EPHA10: variants seen among roughly 807,000 people sequenced by gnomAD.
EPHA10 encodes EPH receptor A10, also known as ephrin type-A receptor 10.
A neutral mutation model predicts 109.7 loss-of-function variants in EPHA10; 120 were observed. The ratio of observed to expected loss-of-function variants is 1.09; its 90% CI spans 0.94 to 1.27. EPHA10 has a LOEUF of 1.27. Among genes scored for constraint, EPHA10 ranks in the 50% most tolerant of loss-of-function variants. The pLI is 0.00. For synonymous variants in EPHA10, 640 were observed against 618.9 expected (o/e 1.03, Z -0.51); for missense variants, 1,396 against 1,411.1 (o/e 0.99, Z 0.17).
intron 6 of EPHA10, among the ~76,000 whole-genome samples, chr1:37,732,280 C>G (rs1176433649): frequency 6.6e-6 from 1 of 152,186 alleles, no homozygotes; most frequent in Admixed American, 6.5e-5. Context: ...AAGGAAGGGG[C>G]TGGTGCACCC....
At chr1:37,752,744 G>A in intron 5 of EPHA10, 132 bp downstream of exon 5, 1 of 503,178 alleles carries the variant, frequency 2.0e-6, no homozygotes, top group Non-Finnish European at 2.9e-6. Context: ...GAGAGGGGCG[G>A]GGTGCGTGTA....
Position 37,719,915 on chromosome 1 carries a change from G to A in EPHA10, c.2556C>T (p.Gly852=). 1 of 1,613,972 alleles carries A rather than the reference G, an allele frequency of 6.2e-7. No homozygotes were observed. Among genetic ancestry groups the A allele is most frequent in the Non-Finnish European group, 8.5e-7 (1 of 1,180,026 alleles). ...GGAGCCACGGGTTACTCACGTCTTGGCCAGACATGTCCCAGTAAGGCCGCT... is the reference window on the plus strand; with the variant it reads ...GGAGCCACGGGTTACTCACGTCTTGACCAGACATGTCCCAGTAAGGCCGCT... The part of the protein sequence containing the change: ...FGERPYWDMS[G]QDVIKAVEDG... The change falls in exon 14 of 17, where the codon GGC becomes GGT. Residue 852 remains glycine (G), a synonymous_variant. Transcript: ENST00000373048.
In EPHA10 at chr1:37,753,136, CCCGAGTCGGCCGG is replaced by C; in HGVS notation, c.1084_1096del (p.Pro362GlufsTer142). ...CGAGTAGGTGACGTCCGAGCGGCCT[CCCGAGTCGGCCGG>C]CGGCAGCCAGCGCAGTCGCAGCACC... On this transcript the variant is annotated frameshift_variant, in exon 5 of 17. Transcript: ENST00000373048. LOFTEE classifies it high-confidence loss of function. 1 of 1,407,240 alleles carries C rather than the reference CCCGAGTCGGCCGG, an allele frequency of 7.1e-7. No individual in the cohort carries two copies. Among genetic ancestry groups the C allele is most frequent in the Non-Finnish European group, 9.3e-7 (1 of 1,080,326 alleles). The allele number at this position is 1,407,240 out of a possible 1,614,324, so 87.2% of individuals were successfully genotyped here.
At chr1:37,732,330 A>ATGC (rs1557540937) in intron 6 of EPHA10, among the ~76,000 whole-genome samples, 1 of 152,016 alleles carries the variant, frequency 6.6e-6, no homozygotes, top group Non-Finnish European at 1.5e-5. Context: ...GCTCGACATC[A>ATGC]TGCTGCCCCC....
intron 5 of EPHA10, among the ~76,000 whole-genome samples, chr1:37,745,466 T>C (rs1205276027): frequency 6.6e-6 from 1 of 152,152 alleles, no homozygotes; most frequent in East Asian, 1.9e-4. Flanking sequence ...TTTGAAAAAG[T>C]TGGTAATTCC....
chr1:37,731,300 T>A, intron 7 of EPHA10, 111 bp downstream of exon 7: 2 of 1,228,674 alleles, frequency 1.6e-6, no homozygotes, highest in Admixed American at 5.1e-5. Flanking sequence ...CAGGCTCCCT[T>A]CATTGCACAG....
chr1:37,727,489 T>C (rs1242933936), intron 7 of EPHA10, among the ~76,000 whole-genome samples: 2 of 152,178 alleles, frequency 1.3e-5, no homozygotes, highest in Non-Finnish European at 2.9e-5. Flanking sequence ...CCTCCCTCTA[T>C]GCCTTTCAGA....
intron 1 of EPHA10, among the ~76,000 whole-genome samples, chr1:37,763,431 C>A (rs590954): frequency 1.3e-5 from 2 of 152,168 alleles, no homozygotes; most frequent in Non-Finnish European, 2.9e-5. Flanking sequence ...TCTAAAACAA[C>A]CTCTCCATCT....
intron 3 of EPHA10, among the ~76,000 whole-genome samples, chr1:37,756,987 G>T (rs144788781): frequency 0.01 from 1,528 of 152,180 alleles, 24 homozygotes; most frequent in African/African-American, 0.035. Flanking sequence ...GTGCAACCAT[G>T]CCTGGCTAAT....
chr1:37,718,884 G>A, intron 15 of EPHA10, 68 bp from the exon 16 acceptor site: 2 of 1,518,204 alleles, frequency 1.3e-6, no homozygotes, highest in South Asian at 1.3e-5. Context: ...GGTCTCCCGG[G>A]GAGAGGCCAG....
In EPHA10 at chr1:37,723,359, C is replaced by T. The variant is rs1367321020; in HGVS notation, c.1786G>A (p.Gly596Ser). The T allele has an allele frequency of 4.3e-6, 7 of 1,614,080 alleles. No homozygotes were observed. In the African/African-American group the frequency reaches 5.3e-5, roughly 12 times the overall value. ...LAIWRRPCSY[G>S]KGGGDAHDEE... Reference sequence around the variant, plus strand: ...TCATGGGCATCCCCTCCTCCTTTGCCATAGCTGCAGGGCCTGGCAGGGAGT... The same window carrying T: ...TCATGGGCATCCCCTCCTCCTTTGCTATAGCTGCAGGGCCTGGCAGGGAGT... The change falls in exon 9 of 17, where the codon GGC (glycine) becomes AGC (serine). Residue 596 changes from glycine (G) to serine (S), a missense_variant. Transcript: ENST00000373048.
At chr1:37,763,431 C>T (rs590954) in intron 1 of EPHA10, among the ~76,000 whole-genome samples, 139,912 of 152,278 alleles carry the variant, frequency 0.92, 64,449 homozygotes, top group East Asian at 1. Flanking sequence ...TCTAAAACAA[C>T]CTCTCCATCT....
rs780485182 is a variant in EPHA10 at position 37,718,382 on chromosome 1, A to G, written c.3017T>C (p.Val1006Ala). 1.2e-6 allele frequency: 2 copies of G among 1,608,862 alleles called. No individual in the cohort carries two copies. The highest frequency in any genetic ancestry group is 3.3e-5 in the Admixed American group (2 of 59,724). ...ARVLQLQGQG[V>A]QV Reference sequence around the variant, plus strand: ...AAGAATGGGGTCCACTCACACCTGCACCCCCTGGCCCTGCAGCTGGAGCAC... The same window carrying G: ...AAGAATGGGGTCCACTCACACCTGCGCCCCCTGGCCCTGCAGCTGGAGCAC... Residue 1006 changes from valine (V) to alanine (A), a missense_variant, in exon 17 of 17, where the codon GTG becomes GCG. Transcript: ENST00000373048.
chr1:37,739,266 C>G (rs1287527392), intron 5 of EPHA10, among the ~76,000 whole-genome samples: 1 of 152,020 alleles, frequency 6.6e-6, no homozygotes, highest in Non-Finnish European at 1.5e-5. Context: ...ATGAATGAAC[C>G]TCGAAGACAC....
rs764448343 is a variant in EPHA10 at position 37,761,965 on chromosome 1, C to A, written c.290G>T (p.Arg97Leu). The change falls in exon 3 of 17, where the codon CGC (arginine) becomes CTC (leucine). Residue 97 changes from arginine (R) to leucine (L), a missense_variant. Arg to Leu is a moderately radical substitution (Grantham distance 102). Transcript: ENST00000373048. ...WLQTGWISRG[R>L]GQRIFVELQF... The stretch of plus-strand genomic sequence containing the variant: ...CAGTTCCACGAAGATGCGCTGCCCG[C>A]GGCCACGGCTTATCCAGCCAGTCTG... 1 of 1,614,158 alleles carries A rather than the reference C, an allele frequency of 6.2e-7. No homozygotes were observed. The highest frequency in any genetic ancestry group is 8.5e-7 in the Non-Finnish European group (1 of 1,180,022).
At chr1:37,742,887 TGGGAGGCTCAGGC>T (rs1207327084) in intron 5 of EPHA10, among the ~76,000 whole-genome samples, 1 of 152,096 alleles carries the variant, frequency 6.6e-6, no homozygotes, top group Non-Finnish European at 1.5e-5. Context: ...CCTAGCCACT[TGGGAGGCTCAGGC>T]GGGAGGATCA....
intron 5 of EPHA10, among the ~76,000 whole-genome samples, chr1:37,751,828 G>A (rs1432359708): frequency 2.0e-5 from 3 of 149,382 alleles, no homozygotes; most frequent in Admixed American, 6.7e-5. Context: ...AATCAAGATC[G>A]CGCCACTGCA....
At chr1:37,727,006 G>T in intron 8 of EPHA10, 96 bp downstream of exon 8, 1 of 924,684 alleles carries the variant, frequency 1.1e-6, no homozygotes, top group South Asian at 1.8e-5. Context: ...GCAAATCTGC[G>T]TGTGTGCAAA....
intron 5 of EPHA10, among the ~76,000 whole-genome samples, chr1:37,752,037 G>T (rs553387263): frequency 2.6e-4 from 39 of 152,260 alleles, no homozygotes; most frequent in African/African-American, 9.1e-4. Flanking sequence ...GACAGAAGCG[G>T]GATCACAGAA....
Sources: gnomAD v4.1 joint callset for allele counts (sites outside exome capture counted in the v4.1 genomes callset) on GRCh38, gnomAD v4.1.1 for gene constraint, MANE v1.5 for transcripts, NCBI Gene and HGNC (gene_info 2026-07-23, HGNC 2026-07-21) for gene names.